The following NLGN1 variants were observed in gnomAD, a reference collection of about 807,000 sequenced individuals.
The protein encoded by NLGN1 is neuroligin-1.
Under a neutral mutation model 65.5 loss-of-function variants are expected in NLGN1, and 12 were observed. The observed-to-expected ratio is 0.18, with a 90% CI of 0.12 to 0.30. The LOEUF is 0.30. Among genes scored for constraint, NLGN1 ranks in the 10% least tolerant of loss-of-function variants. The pLI, the probability that NLGN1 is intolerant of heterozygous loss-of-function variation, is 1.00. For missense variants in NLGN1, 750 were observed against 1,007.1 expected (o/e 0.74, Z 3.46); for synonymous variants, 350 against 359.5 (o/e 0.97, Z 0.30).
chr3:174,212,933 T>C lies in NLGN1; in HGVS notation c.647-62382T>C, dbSNP rs547490483. Among the ~76,000 whole-genome samples, 5 of 152,350 alleles carry C rather than the reference T, an allele frequency of 3.3e-5. No homozygotes were observed. In the East Asian group the frequency reaches 9.7e-4, roughly 29 times the overall value. On this transcript the variant is annotated intron_variant, in intron 4 of 6. Transcript: ENST00000457714. Reference sequence around the variant, plus strand: ...AGGTCCTTTTCATATCATACCGCTCTGACCTTCTCTTCTGCCTTTCTCTTT... The same window carrying C: ...AGGTCCTTTTCATATCATACCGCTCCGACCTTCTCTTCTGCCTTTCTCTTT...
chr3:174,119,378 G>C (rs2152640663), intron 4 of NLGN1, among the ~76,000 whole-genome samples: 1 of 152,160 alleles, frequency 6.6e-6, no homozygotes, highest in South Asian at 2.1e-4. Flanking sequence ...ATTATGCATA[G>C]GTTTATCTCA....
At chr3:173,703,991 A>G (rs894602091) in intron 3 of NLGN1, among the ~76,000 whole-genome samples, 1 of 152,198 alleles carries the variant, frequency 6.6e-6, no homozygotes, top group African/African-American at 2.4e-5. Flanking sequence ...TGGTTTTGCC[A>G]ATTCAGATCC....
intron 4 of NLGN1, among the ~76,000 whole-genome samples, chr3:174,274,301 C>T (rs963058425): frequency 3.3e-5 from 5 of 151,490 alleles, no homozygotes; most frequent in Admixed American, 6.6e-5. Flanking sequence ...ATAATAAACA[C>T]ACTAACTAAC....
At chr3:173,636,532 T>C (rs1756619493) in intron 3 of NLGN1, among the ~76,000 whole-genome samples, 2 of 152,134 alleles carry the variant, frequency 1.3e-5, no homozygotes, top group African/African-American at 4.8e-5. Flanking sequence ...GCACTCCTTA[T>C]TCTACTCTTA....
intron 4 of NLGN1, among the ~76,000 whole-genome samples, chr3:174,190,590 TAG>T (rs1240185177): frequency 6.6e-6 from 1 of 152,052 alleles, no homozygotes; most frequent in Non-Finnish European, 1.5e-5. Context: ...ATTAAAATAT[TAG>T]ACTTATTGAT....
chr3:173,954,309 C>T (rs1748767697), intron 4 of NLGN1, among the ~76,000 whole-genome samples: 1 of 152,064 alleles, frequency 6.6e-6, no homozygotes, highest in African/African-American at 2.4e-5. Context: ...CAGATGTAAT[C>T]ATCTACATCA....
At chr3:174,118,660 A>T (rs1321189696) in intron 4 of NLGN1, among the ~76,000 whole-genome samples, 1 of 151,846 alleles carries the variant, frequency 6.6e-6, no homozygotes, top group Non-Finnish European at 1.5e-5. Context: ...CAGCAAGTAC[A>T]TATGGGGTGA....
At chr3:173,441,290 G>A (rs887804613) in intron 2 of NLGN1, among the ~76,000 whole-genome samples, 4 of 152,164 alleles carry the variant, frequency 2.6e-5, no homozygotes, top group Non-Finnish European at 4.4e-5. Flanking sequence ...GTGTTCAGTG[G>A]AGTCACACTT....
At chr3:173,749,612 A>C (rs987348636) in intron 3 of NLGN1, among the ~76,000 whole-genome samples, 3 of 152,202 alleles carry the variant, frequency 2.0e-5, no homozygotes, top group Non-Finnish European at 4.4e-5. Context: ...AGTTTGAAAC[A>C]ATATCAGAGA....
At chr3:173,627,920 A>G (rs1253574683) in intron 3 of NLGN1, among the ~76,000 whole-genome samples, 1 of 150,370 alleles carries the variant, frequency 6.7e-6, no homozygotes, top group Non-Finnish European at 1.5e-5. Flanking sequence ...TTCTTTTGCC[A>G]TCTTCCCATG....
At chr3:173,643,623 T>G (rs565893581) in intron 3 of NLGN1, among the ~76,000 whole-genome samples, 14 of 152,224 alleles carry the variant, frequency 9.2e-5, no homozygotes, top group Non-Finnish European at 2.1e-4. Flanking sequence ...TTCACTCGAT[T>G]GACATGTAAG....
chr3:174,125,036 G>T (rs1330077725), intron 4 of NLGN1, among the ~76,000 whole-genome samples: 1 of 152,036 alleles, frequency 6.6e-6, no homozygotes, highest in East Asian at 1.9e-4. Flanking sequence ...ATGGAGAATG[G>T]CATGAGATGG....
intron 3 of NLGN1, among the ~76,000 whole-genome samples, chr3:173,794,371 A>G (rs1713508776): frequency 6.6e-6 from 1 of 152,156 alleles, no homozygotes; most frequent in Non-Finnish European, 1.5e-5. Context: ...TGCCTAATGT[A>G]CCATATATTT....
chr3:174,086,287 AT>A (rs1442641531), intron 4 of NLGN1, among the ~76,000 whole-genome samples: 4 of 68,440 alleles, frequency 5.8e-5, no homozygotes, highest in African/African-American at 1.3e-4. Flanking sequence ...GTGCATAAAT[AT>A]ATATATATTT....
intron 2 of NLGN1, among the ~76,000 whole-genome samples, chr3:173,527,231 T>C (rs941083829): frequency 2.0e-5 from 3 of 152,188 alleles, no homozygotes; most frequent in African/African-American, 7.2e-5. Context: ...TGTAATTGCC[T>C]GATTTTTGGA....
At chr3:174,245,046 G>A (rs990439779) in intron 4 of NLGN1, among the ~76,000 whole-genome samples, 18 of 152,220 alleles carry the variant, frequency 1.2e-4, no homozygotes, top group African/African-American at 2.9e-4. Flanking sequence ...GAGACTGTGT[G>A]TGACTAGGTG....
At chr3:173,972,258 G>T (rs555218862) in intron 4 of NLGN1, among the ~76,000 whole-genome samples, 1 of 152,136 alleles carries the variant, frequency 6.6e-6, no homozygotes, top group Non-Finnish European at 1.5e-5. Flanking sequence ...GCTTGGAGAA[G>T]AGTTTAGAGT....
At chr3:173,652,304 C>T (rs1054095695) in intron 3 of NLGN1, among the ~76,000 whole-genome samples, 1 of 152,048 alleles carries the variant, frequency 6.6e-6, no homozygotes, top group Non-Finnish European at 1.5e-5. Flanking sequence ...GGTTTTGTTG[C>T]TTGTGCTTTT....
At chr3:173,577,135 T>G (rs1052046436) in intron 2 of NLGN1, among the ~76,000 whole-genome samples, 1 of 152,206 alleles carries the variant, frequency 6.6e-6, no homozygotes, top group Non-Finnish European at 1.5e-5. Flanking sequence ...CTGTAGTTGT[T>G]TTAATGATTA....
Sources: gnomAD v4.1 joint callset for allele counts (sites outside exome capture counted in the v4.1 genomes callset) on GRCh38, gnomAD v4.1.1 for gene constraint, MANE v1.5 for transcripts, NCBI Gene and HGNC (gene_info 2026-07-23, HGNC 2026-07-21) for gene names.